FSIP1: variants seen among roughly 807,000 people sequenced by gnomAD.
FSIP1 encodes fibrous sheath interacting protein 1, also known as fibrous sheath-interacting protein 1.
FSIP1 carries 65 observed loss-of-function variants against 60.9 expected under a neutral mutation model. The observed-to-expected ratio is 1.07, with a 90% CI of 0.87 to 1.31. The LOEUF (loss-of-function observed/expected upper bound fraction) is 1.31, where lower values mean the gene tolerates loss of function less well. Among genes scored for constraint, FSIP1 ranks in the 40% most tolerant of loss-of-function variants. The probability of loss-of-function intolerance (pLI) is 0.00; values close to 1 mark genes in which losing one functional copy is unlikely to be tolerated. For missense variants in FSIP1, 675 were observed against 665.5 expected (o/e 1.01, Z -0.16); for synonymous variants, 209 against 221.2 (o/e 0.94, Z 0.49).
intron 10 of FSIP1, among the ~76,000 whole-genome samples, chr15:39,705,518 A>G (rs918322904): frequency 6.6e-6 from 1 of 152,170 alleles, no homozygotes; most frequent in African/African-American, 2.4e-5. Context: ...TTCTTTAGGA[A>G]TAAAGGCAAT....
chr15:39,599,712 C>T (rs974061761), downstream of FSIP1, among the ~76,000 whole-genome samples: 3 of 152,172 alleles, frequency 2.0e-5, no homozygotes, highest in African/African-American at 2.4e-5. Context: ...CCACCCAAAC[C>T]CTAAAACACA....
At chr15:39,630,837 T>A (rs534303614) in intron 10 of FSIP1, among the ~76,000 whole-genome samples, 2 of 152,316 alleles carry the variant, frequency 1.3e-5, no homozygotes, top group South Asian at 4.1e-4. Context: ...TACCATAACA[T>A]GCCCCCTCCA....
intron 10 of FSIP1, among the ~76,000 whole-genome samples, chr15:39,635,835 C>T (rs548691839): frequency 7.5e-4 from 114 of 152,210 alleles, no homozygotes; most frequent in African/African-American, 2.7e-3. Context: ...AGCTCTATTA[C>T]CCCAGGATCC....
At chr15:39,732,619 C>CAAAAA (rs56106819) in intron 8 of FSIP1, among the ~76,000 whole-genome samples, 19 of 80,122 alleles carry the variant, frequency 2.4e-4, no homozygotes, top group African/African-American at 7.7e-4. Flanking sequence ...AACTCCATCT[C>CAAAAA]AAAAAAAAAA....
chr15:39,617,511 C>G (rs1479249648), intron 11 of FSIP1, among the ~76,000 whole-genome samples: 1 of 152,134 alleles, frequency 6.6e-6, no homozygotes, highest in Non-Finnish European at 1.5e-5. Context: ...TTCTGGATGA[C>G]ACAATTAATT....
chr15:39,676,399 G>A (rs946353013), intron 10 of FSIP1, among the ~76,000 whole-genome samples: 4 of 152,254 alleles, frequency 2.6e-5, no homozygotes, highest in Middle Eastern at 3.4e-3. Context: ...GCCCAGTAAG[G>A]AAATCTCTTT....
intron 10 of FSIP1, among the ~76,000 whole-genome samples, chr15:39,622,903 T>G (rs1891494671): frequency 6.6e-6 from 1 of 152,116 alleles, no homozygotes; most frequent in Non-Finnish European, 1.5e-5. Context: ...CGCAGAACAG[T>G]TTACTTAACT....
rs763911023 is a variant in FSIP1 at position 39,765,709 on chromosome 15, T to A, written c.348A>T (p.Gln116His). Reference sequence around the variant, plus strand: ...GTTTTTTCATCTTCTGAATAGCATCTTGAAGTTGAGAATCTAATTCTTTTA... The same window carrying A: ...GTTTTTTCATCTTCTGAATAGCATCATGAAGTTGAGAATCTAATTCTTTTA... ...PKLKELDSQL[Q>H]DAIQKMKKLD... is the part of the protein sequence containing the mutation. The change falls in exon 4 of 12, where the codon CAA becomes CAT. Residue 116 changes from glutamine to histidine, a missense_variant. Transcript: ENST00000350221. 1 of 1,559,746 alleles carries A rather than the reference T, an allele frequency of 6.4e-7. No individual in the cohort carries two copies. Among genetic ancestry groups the A allele is most frequent in the East Asian group, 2.3e-5 (1 of 44,342 alleles).
At chr15:39,692,990 AATTTATAT>A (rs1479182222) in intron 10 of FSIP1, among the ~76,000 whole-genome samples, 1 of 152,222 alleles carries the variant, frequency 6.6e-6, no homozygotes, top group Non-Finnish European at 1.5e-5. Flanking sequence ...TTCCCAGCTT[AATTTATAT>A]GGTAATTAGA....
At chr15:39,606,360 C>T (rs1009138993) in intron 11 of FSIP1, among the ~76,000 whole-genome samples, 4 of 152,188 alleles carry the variant, frequency 2.6e-5, no homozygotes, top group Non-Finnish European at 5.9e-5. Context: ...CACAATTGTA[C>T]ATATCTATGG....
At chr15:39,688,081 C>A (rs2664124) in intron 10 of FSIP1, among the ~76,000 whole-genome samples, 1 of 152,060 alleles carries the variant, frequency 6.6e-6, no homozygotes, top group Non-Finnish European at 1.5e-5. Flanking sequence ...TATAGGTAAT[C>A]TCTCTGAATA....
intron 1 of FSIP1, among the ~76,000 whole-genome samples, chr15:39,782,163 T>C (rs1242861104): frequency 6.6e-6 from 1 of 152,270 alleles, no homozygotes; most frequent in Non-Finnish European, 1.5e-5. Flanking sequence ...CATCTGGTTA[T>C]GTCAAAGCTG....
At chr15:39,612,989 G>A (rs1311679442) in intron 11 of FSIP1, among the ~76,000 whole-genome samples, 1 of 151,748 alleles carries the variant, frequency 6.6e-6, no homozygotes, top group Non-Finnish European at 1.5e-5. Context: ...AACACAGAAT[G>A]CTCAAAATAT....
intron 10 of FSIP1, among the ~76,000 whole-genome samples, chr15:39,685,381 G>T (rs1474453032): frequency 6.6e-6 from 1 of 152,086 alleles, no homozygotes; most frequent in African/African-American, 2.4e-5. Context: ...ATCCTCCTGG[G>T]GAAAATTATT....
intron 2 of FSIP1, among the ~76,000 whole-genome samples, chr15:39,775,819 T>G (rs1284752897): frequency 1.3e-5 from 2 of 152,184 alleles, no homozygotes; most frequent in Non-Finnish European, 2.9e-5. Flanking sequence ...CTGTACAGCC[T>G]GTGGAACCAT....
intron 10 of FSIP1, among the ~76,000 whole-genome samples, chr15:39,629,253 A>C (rs937509190): frequency 8.5e-5 from 13 of 152,166 alleles, no homozygotes; most frequent in African/African-American, 2.9e-4. Context: ...GAGGGCACCC[A>C]AGAGGTAAAG....
At chr15:39,750,427 C>T (rs1897128966) in intron 5 of FSIP1, among the ~76,000 whole-genome samples, 1 of 151,818 alleles carries the variant, frequency 6.6e-6, no homozygotes, top group African/African-American at 2.4e-5. Context: ...ATAATACTGG[C>T]ATAAAAACAG....
chr15:39,603,586 C>T (rs905421970), intron 11 of FSIP1, among the ~76,000 whole-genome samples: 6 of 152,056 alleles, frequency 3.9e-5, no homozygotes, highest in Non-Finnish European at 5.9e-5. Context: ...AAAATATTAA[C>T]GAAGAAAGAG....
chr15:39,725,801 T>C (rs1169164905), intron 9 of FSIP1, among the ~76,000 whole-genome samples: 1 of 150,890 alleles, frequency 6.6e-6, no homozygotes, highest in Non-Finnish European at 1.5e-5. Flanking sequence ...TTTTTTTTTT[T>C]TGACAGAGAA....
Sources: gnomAD v4.1 joint callset for allele counts (sites outside exome capture counted in the v4.1 genomes callset) on GRCh38, gnomAD v4.1.1 for gene constraint, MANE v1.5 for transcripts, NCBI Gene and HGNC (gene_info 2026-07-23, HGNC 2026-07-21) for gene names.